The following UNC5D variants were observed in gnomAD, a reference collection of about 807,000 sequenced individuals.
UNC5D encodes netrin receptor UNC5D.
UNC5D carries 39 observed loss-of-function variants against 105.4 expected under a neutral mutation model. That is an observed-to-expected ratio of 0.37 (90% CI 0.29 to 0.48). The LOEUF (loss-of-function observed/expected upper bound fraction) is 0.48. Among genes scored for constraint, UNC5D ranks in the 20% least tolerant of loss-of-function variants. UNC5D has a pLI of 0.98. For missense variants in UNC5D, 991 were observed against 1,202.4 expected, an observed-to-expected ratio of 0.82 and a Z score of 2.60; for synonymous variants, 452 against 450.4, an observed-to-expected ratio of 1.00 and a Z score of -0.04.
chr8:35,645,918 TAC>T (rs148598526), intron 4 of UNC5D, among the ~76,000 whole-genome samples: 27 of 149,862 alleles, frequency 1.8e-4, no homozygotes, highest in South Asian at 2.1e-4. Flanking sequence ...TCCTTTAGAT[TAC>T]ACACACACAC....
At chr8:35,702,937 T>A (rs2131433990) in intron 7 of UNC5D, among the ~76,000 whole-genome samples, 1 of 152,246 alleles carries the variant, frequency 6.6e-6, no homozygotes, top group South Asian at 2.1e-4. Flanking sequence ...TGAATAATTT[T>A]TACTCTGTAG....
At chr8:35,336,878 G>T (rs1422233294) in intron 1 of UNC5D, among the ~76,000 whole-genome samples, 1 of 151,714 alleles carries the variant, frequency 6.6e-6, no homozygotes, top group Non-Finnish European at 1.5e-5. Context: ...CCATAATGTG[G>T]CACTTGTCAC....
chr8:35,506,331 C>G (rs1047552016), intron 1 of UNC5D, among the ~76,000 whole-genome samples: 1 of 152,174 alleles, frequency 6.6e-6, no homozygotes, highest in Non-Finnish European at 1.5e-5. Flanking sequence ...CAGAGTCCCC[C>G]AATATACTGT....
At chr8:35,410,333 A>G (rs1323866719) in intron 1 of UNC5D, among the ~76,000 whole-genome samples, 3 of 152,148 alleles carry the variant, frequency 2.0e-5, no homozygotes, top group East Asian at 1.9e-4. Context: ...ACAAGTCTCT[A>G]TGGGATTTGC....
chr8:35,474,018 G>A (rs1331835296), intron 1 of UNC5D, among the ~76,000 whole-genome samples: 1 of 152,114 alleles, frequency 6.6e-6, no homozygotes, highest in Non-Finnish European at 1.5e-5. Context: ...CTGTTCATGA[G>A]GACGGTGCCT....
rs529287682 is a variant in UNC5D, at chr8:35,435,702, T to G, written c.104-113590T>G. Among the ~76,000 whole-genome samples the G allele has an allele frequency of 5.3e-5, 8 of 152,104 alleles. No homozygotes were observed. The South Asian group carries it at 1.2e-3, about 24-fold the overall frequency. On this transcript the variant is annotated intron_variant, in intron 1 of 16. Transcript: ENST00000404895. Reference sequence around the variant, plus strand: ...CTGATATATCTAAATTAGTTGTAGGTGGGGAGATGAACTGTAAAACTTGAA... The same window carrying G: ...CTGATATATCTAAATTAGTTGTAGGGGGGGAGATGAACTGTAAAACTTGAA...
chr8:35,568,141 G>A lies in UNC5D; in HGVS notation c.366G>A (p.Gln122=). Reference sequence around the variant, plus strand: ...TGTTCATCAATGTTACTAGGCAACAGGTGGAGGACTTCCATGGGCCCGAGG... The same window carrying A: ...TGTTCATCAATGTTACTAGGCAACAAGTGGAGGACTTCCATGGGCCCGAGG... ...REVFINVTRQ[Q]VEDFHGPEDY... Residue 122 remains glutamine (Q), a synonymous_variant, in exon 3 of 17, where the codon CAG becomes CAA. Coordinates refer to ENST00000404895, the MANE Select transcript of UNC5D (RefSeq NM_080872.4). 6.2e-7 allele frequency: 1 copy of A among 1,614,212 alleles called. No individual in the cohort carries two copies. The highest frequency in any genetic ancestry group is 1.3e-5 in the African/African-American group (1 of 75,062).
intron 3 of UNC5D, among the ~76,000 whole-genome samples, chr8:35,581,146 CCTT>C (rs1287565502): frequency 6.6e-6 from 1 of 152,142 alleles, no homozygotes; most frequent in Non-Finnish European, 1.5e-5. Flanking sequence ...TTCTGGTTTT[CCTT>C]CTTCTCATTG....
chr8:35,417,494 G>T (rs1001424556), intron 1 of UNC5D, among the ~76,000 whole-genome samples: 2 of 151,666 alleles, frequency 1.3e-5, no homozygotes, highest in Non-Finnish European at 2.9e-5. Flanking sequence ...CTGTACAGAT[G>T]ATTTATTTTC....
chr8:35,661,469 A>G (rs1349767836), intron 4 of UNC5D, among the ~76,000 whole-genome samples: 1 of 152,208 alleles, frequency 6.6e-6, no homozygotes, highest in Non-Finnish European at 1.5e-5. Flanking sequence ...TTCGGTAGAA[A>G]GAGACCATGA....
rs757237977 is a variant in UNC5D at position 35,722,263 on chromosome 8, G to C, written c.1171G>C (p.Val391Leu). The C allele has an allele frequency of 1.9e-6, 3 of 1,614,100 alleles. No individual in the cohort carries two copies. Among genetic ancestry groups the C allele is most frequent in the Non-Finnish European group, 2.5e-6 (3 of 1,179,988 alleles). The part of the protein sequence containing the change: ...ALYSGLGAAV[V>L]AVAVLVIGVT... ...GTACTCGGGCTTGGGTGCTGCCGTCGTGGCCGTTGCAGTCCTGGTCATTGG... is the reference window on the plus strand; with the variant it reads ...GTACTCGGGCTTGGGTGCTGCCGTCCTGGCCGTTGCAGTCCTGGTCATTGG... Residue 391 changes from valine to leucine, a missense_variant, in exon 9 of 17, where the codon GTG becomes CTG. Transcript: ENST00000404895.
chr8:35,592,705 G>T (rs968256549), intron 3 of UNC5D, among the ~76,000 whole-genome samples: 4 of 152,154 alleles, frequency 2.6e-5, no homozygotes, highest in Non-Finnish European at 4.4e-5. Flanking sequence ...CATGATACTT[G>T]TGTTTCTCAC....
intron 1 of UNC5D, among the ~76,000 whole-genome samples, chr8:35,483,529 G>C (rs1810633930): frequency 6.6e-6 from 1 of 152,154 alleles, no homozygotes; most frequent in Non-Finnish European, 1.5e-5. Context: ...GGTGGCTTTA[G>C]TTAAGGAAAT....
intron 4 of UNC5D, among the ~76,000 whole-genome samples, chr8:35,653,850 CTG>C (rs950653164): frequency 1.3e-5 from 2 of 152,132 alleles, no homozygotes; most frequent in African/African-American, 2.4e-5. Flanking sequence ...CTTTCATACT[CTG>C]TACTTGTTAT....
chr8:35,271,507 A>T (rs548394081), intron 1 of UNC5D, among the ~76,000 whole-genome samples: 2 of 144,254 alleles, frequency 1.4e-5, no homozygotes, highest in East Asian at 4.3e-4. Flanking sequence ...AGGTCTACAT[A>T]TGTATACATA....
At chr8:35,596,310 C>T (rs1819488525) in intron 4 of UNC5D, among the ~76,000 whole-genome samples, 1 of 152,144 alleles carries the variant, frequency 6.6e-6, no homozygotes, top group Non-Finnish European at 1.5e-5. Flanking sequence ...TGGTAATGCA[C>T]TCTGGTCATA....
At chr8:35,599,484 C>A (rs1374839372) in intron 4 of UNC5D, among the ~76,000 whole-genome samples, 1 of 152,108 alleles carries the variant, frequency 6.6e-6, no homozygotes, top group East Asian at 1.9e-4. Context: ...AAAATATATA[C>A]AATTTGTTAG....
intron 1 of UNC5D, among the ~76,000 whole-genome samples, chr8:35,444,746 T>G (rs545661446): frequency 4.6e-5 from 7 of 152,102 alleles, no homozygotes; most frequent in African/African-American, 1.7e-4. Flanking sequence ...TTTCTATTAT[T>G]TCAACTACAC....
rs550522384 is a variant in UNC5D at position 35,260,498 on chromosome 8, T to C, written c.103+24611T>C. ...ATTGTTGTTGTTGTTTGAGATGGAGTCTCGCTCTATCACCCAGGCTGGAGT... is the reference window on the plus strand; with the variant it reads ...ATTGTTGTTGTTGTTTGAGATGGAGCCTCGCTCTATCACCCAGGCTGGAGT... On this transcript the variant is annotated intron_variant, in intron 1 of 16. Coordinates refer to ENST00000404895, the MANE Select transcript of UNC5D (RefSeq NM_080872.4). Among the ~76,000 whole-genome samples, 81 of 152,240 alleles carry C rather than the reference T, an allele frequency of 5.3e-4. 2 individuals carry two copies. Among genetic ancestry groups the C allele is most frequent in the Middle Eastern group, 6.8e-3 (2 of 294 alleles).
Sources: allele counts gnomAD v4.1 joint callset (sites outside exome capture counted in the v4.1 genomes callset), GRCh38; gene constraint gnomAD v4.1.1; transcripts MANE v1.5; gene names NCBI Gene and HGNC (gene_info 2026-07-23, HGNC 2026-07-21).